The following NUBPL variants were observed in gnomAD, a reference collection of about 807,000 sequenced individuals.
The protein encoded by NUBPL is NUBP iron-sulfur cluster assembly factor, mitochondrial, also known as iron-sulfur cluster transfer protein NUBPL.
In NUBPL, 31 loss-of-function variants were observed where a neutral mutation model predicts 45.7. That is an observed-to-expected ratio of 0.68 (90% CI 0.51 to 0.92). The LOEUF is 0.92. Ranked by LOEUF, NUBPL falls within the 40% of genes least tolerant of loss-of-function variation. The pLI is 0.00. For missense variants in NUBPL, 401 were observed against 398.7 expected (o/e 1.01, Z -0.05); for synonymous variants, 144 against 140.9 (o/e 1.02, Z -0.15).
intron 4 of NUBPL, among the ~76,000 whole-genome samples, chr14:31,643,893 T>G (rs1348375653): frequency 6.6e-6 from 1 of 152,070 alleles, no homozygotes; most frequent in East Asian, 1.9e-4. Context: ...GTCCAGCAAT[T>G]TATCCGTTTC....
At chr14:31,769,572 T>C (rs2138757120) in intron 6 of NUBPL, among the ~76,000 whole-genome samples, 1 of 152,208 alleles carries the variant, frequency 6.6e-6, no homozygotes, top group South Asian at 2.1e-4. Context: ...AAAGGAAATA[T>C]GATCATTCCA....
At chr14:31,750,072 T>C (rs946280398) in intron 6 of NUBPL, among the ~76,000 whole-genome samples, 4 of 152,096 alleles carry the variant, frequency 2.6e-5, no homozygotes, top group Non-Finnish European at 5.9e-5. Context: ...GATATGTATC[T>C]CTTTGTTGGG....
intron 6 of NUBPL, among the ~76,000 whole-genome samples, chr14:31,785,064 A>G (rs192248345): frequency 6.6e-5 from 10 of 152,224 alleles, no homozygotes; most frequent in Admixed American, 1.3e-4. Context: ...CACCCTGTCT[A>G]AAGTAGCACC....
chr14:31,729,288 C>G (rs1219627848), intron 6 of NUBPL, among the ~76,000 whole-genome samples: 3 of 132,696 alleles, frequency 2.3e-5, no homozygotes, highest in African/African-American at 6.0e-5. Context: ...CCCCCCCCCC[C>G]AAAAAAAAAG....
chr14:31,633,711 T>C (rs2035405773), intron 4 of NUBPL, among the ~76,000 whole-genome samples: 1 of 152,194 alleles, frequency 6.6e-6, no homozygotes. Context: ...GGTTTTTCCT[T>C]ATTTTGGTCA....
At chr14:31,709,784 C>T (rs1052797929) in intron 6 of NUBPL, among the ~76,000 whole-genome samples, 55 of 152,252 alleles carry the variant, frequency 3.6e-4, no homozygotes, top group African/African-American at 1.1e-3. Flanking sequence ...GGGACATAAC[C>T]GATAGCCCAG....
intron 6 of NUBPL, among the ~76,000 whole-genome samples, chr14:31,777,288 GGTT>G (rs2039113772): frequency 6.6e-6 from 1 of 152,192 alleles, no homozygotes; most frequent in Non-Finnish European, 1.5e-5. Flanking sequence ...GTGCCAGAGT[GGTT>G]GACTACCTGC....
At chr14:31,628,553 A>G (rs796485651) in intron 4 of NUBPL, among the ~76,000 whole-genome samples, 4 of 152,328 alleles carry the variant, frequency 2.6e-5, no homozygotes, top group African/African-American at 9.6e-5. Flanking sequence ...GACAACAAGT[A>G]TTTCCAACTG....
At chr14:31,698,843 A>G (rs990348571) in intron 6 of NUBPL, among the ~76,000 whole-genome samples, 6 of 151,822 alleles carry the variant, frequency 4.0e-5, no homozygotes, top group Middle Eastern at 3.2e-3. Flanking sequence ...AAGTGACTCA[A>G]TAGTGACTTA....
At chr14:31,595,399 T>C (rs1468830412) in intron 3 of NUBPL, among the ~76,000 whole-genome samples, 3 of 152,238 alleles carry the variant, frequency 2.0e-5, no homozygotes, top group Admixed American at 1.3e-4. Context: ...GACTTTACAA[T>C]AGTAAGTTTA....
chr14:31,648,018 G>A (rs2035902638), intron 4 of NUBPL, among the ~76,000 whole-genome samples: 1 of 152,198 alleles, frequency 6.6e-6, no homozygotes, highest in South Asian at 2.1e-4. Context: ...ATAGCCATAA[G>A]TTATAGTATA....
At chr14:31,589,562 T>A (rs575562109) in intron 3 of NUBPL, among the ~76,000 whole-genome samples, 3 of 152,280 alleles carry the variant, frequency 2.0e-5, no homozygotes, top group South Asian at 4.1e-4. Flanking sequence ...AGTGTTTTTT[T>A]AAAAAATTAA....
At chr14:31,857,441 C>A (rs2040642629) in intron 10 of NUBPL, among the ~76,000 whole-genome samples, 1 of 152,190 alleles carries the variant, frequency 6.6e-6, no homozygotes, top group African/African-American at 2.4e-5. Context: ...CATTCGGCTC[C>A]TAGTTACTTA....
rs1566589400 is a variant in NUBPL, at chr14:31,834,220, C to CA, written c.693+7506_693+7507insA. ...TTTTTGAGACAGAGTCTTGCTCTGT[C>CA]GCCAGGCTGGAGTGCAGTGGTGTAA... On this transcript the variant is annotated intron_variant, in intron 8 of 10. Transcript: ENST00000281081. Among the ~76,000 whole-genome samples the CA allele has an allele frequency of 1.3e-4, 15 of 118,330 alleles. No individual in the cohort carries two copies. The East Asian group carries it at 3.1e-3, about 24-fold the overall frequency. The allele number at this position is 118,330 out of a possible 152,430, so 77.6% of individuals were successfully genotyped here. A position where few individuals can be genotyped will look rare whatever the true frequency, so the allele number is the denominator to read the frequency against.
chr14:31,799,166 A>G (rs1212137200), intron 7 of NUBPL, among the ~76,000 whole-genome samples: 1 of 152,198 alleles, frequency 6.6e-6, no homozygotes, highest in African/African-American at 2.4e-5. Context: ...ACCTGTCCAT[A>G]CAGAAAGTGC....
At chr14:31,705,657 T>C (rs189325628) in intron 6 of NUBPL, among the ~76,000 whole-genome samples, 39 of 152,188 alleles carry the variant, frequency 2.6e-4, no homozygotes, top group African/African-American at 7.0e-4. Flanking sequence ...AGAGTGCTGA[T>C]TGGTGCATTT....
intron 7 of NUBPL, among the ~76,000 whole-genome samples, chr14:31,814,204 T>C (rs1053114491): frequency 2.6e-5 from 4 of 152,250 alleles, no homozygotes; most frequent in African/African-American, 4.8e-5. Flanking sequence ...TGTTGTTTCC[T>C]GACTCTTTAA....
intron 6 of NUBPL, among the ~76,000 whole-genome samples, chr14:31,740,282 G>A (rs750444230): frequency 3.7e-4 from 57 of 152,228 alleles, no homozygotes; most frequent in Non-Finnish European, 7.1e-4. Flanking sequence ...AGAAATGAGC[G>A]TTTCTTTTGC....
chr14:31,829,873 A>C (rs2138977430), intron 8 of NUBPL, among the ~76,000 whole-genome samples: 1 of 152,340 alleles, frequency 6.6e-6, no homozygotes, highest in Non-Finnish European at 1.5e-5. Flanking sequence ...AACTATGCCA[A>C]ATCCTCAATT....
Sources: gnomAD v4.1 joint callset for allele counts (sites outside exome capture counted in the v4.1 genomes callset) on GRCh38, gnomAD v4.1.1 for gene constraint, MANE v1.5 for transcripts, NCBI Gene and HGNC (gene_info 2026-07-23, HGNC 2026-07-21) for gene names.